EXOC7: variants seen among roughly 807,000 people sequenced by gnomAD.
EXOC7 encodes the protein exocyst complex component 7, also known as exocyst complex component Exo70.
Under a neutral mutation model 87.6 loss-of-function variants are expected in EXOC7, and 51 were observed. That is an observed-to-expected ratio of 0.58 (90% CI 0.46 to 0.73). The LOEUF (loss-of-function observed/expected upper bound fraction) is 0.73, where lower values mean the gene tolerates loss of function less well. Among genes scored for constraint, EXOC7 ranks in the 30% least tolerant of loss-of-function variants. EXOC7 has a pLI of 0.00. For missense variants in EXOC7, 744 were observed against 888.4 expected (o/e 0.84, Z 2.07); for synonymous variants, 327 against 357.1 (o/e 0.92, Z 0.95).
chr17:76,086,086 A>T lies in EXOC7; in HGVS notation c.1489T>A (p.Tyr497Asn), dbSNP rs1598298849. 6.2e-7 allele frequency: 1 copy of T among 1,613,718 alleles called. No homozygotes were observed. Among genetic ancestry groups the T allele is most frequent in the Non-Finnish European group, 8.5e-7 (1 of 1,180,008 alleles). Residue 497 changes from tyrosine (Y) to asparagine (N), a missense_variant, in exon 13 of 19, where the codon TAT (tyrosine) becomes AAT (asparagine). By Grantham distance (143) the Tyr-to-Asn change is moderately radical. This residue lies in a region of EXOC7 where 228 missense variants were observed against 298.6 expected (regional missense o/e 0.76). Transcript: ENST00000589210. ...SEFSKRLLST[Y>N]ICKVLGNLQL... ...TGCCCGGGAGAACACTCACAGATATAGGTGCTTAGCAGCCGCTTGCTGAAC... is the reference window on the plus strand; with the variant it reads ...TGCCCGGGAGAACACTCACAGATATTGGTGCTTAGCAGCCGCTTGCTGAAC...
At chr17:76,087,804 G>T (rs181379046) in intron 11 of EXOC7, 84 bp from the exon 12 acceptor site, 124 of 1,427,550 alleles carry the variant, frequency 8.7e-5, no homozygotes, top group Non-Finnish European at 4.6e-5. Context: ...AGTGCCCAGG[G>T]CCAGCCCAGG....
At chr17:76,087,611 G>A (rs1384413368) in intron 12 of EXOC7, 43 bp downstream of exon 12, 6 of 1,537,736 alleles carry the variant, frequency 3.9e-6, no homozygotes, top group Non-Finnish European at 5.3e-6. Context: ...CTCCAGGCAA[G>A]GAGGCGAGTG....
At position 76,081,183 on chromosome 17, in the gene EXOC7, A is replaced by G; in HGVS notation, c.*2465T>C. 1 of 1,537,408 alleles carries G rather than the reference A, an allele frequency of 6.5e-7. No individual in the cohort carries two copies. On this transcript the variant is annotated 3_prime_UTR_variant, in exon 19 of 19. Coordinates refer to ENST00000589210, the MANE Select transcript of EXOC7 (RefSeq NM_001013839.4). ...TCTGTCCCTGCCAAAAGCCATCAAA[A>G]GTCTCCATCACCCCTGGGCTCCAGT... is the stretch of plus-strand genomic sequence containing the variant.
intron 17 of EXOC7, 35 bp from the exon 18 acceptor site, chr17:76,084,174 A>G: frequency 6.3e-7 from 1 of 1,596,562 alleles, no homozygotes; most frequent in Non-Finnish European, 8.5e-7. Flanking sequence ...GAAGGCACCC[A>G]GAGACAAACA....
Position 76,082,243 on chromosome 17 carries a change from GT to G in EXOC7, c.*1404del. 1.3e-6 allele frequency: 1 copy of G among 799,542 alleles called. No individual in the cohort carries two copies. Among genetic ancestry groups the G allele is most frequent in the South Asian group, 1.9e-5 (1 of 52,354 alleles). 49.5% of individuals were successfully genotyped at this position (799,542 alleles called of 1,614,324 possible). On this transcript the variant is annotated 3_prime_UTR_variant, in exon 19 of 19. Coordinates refer to ENST00000589210, the MANE Select transcript of EXOC7 (RefSeq NM_001013839.4). ...AGGGAGCAAGCTGAGCCTCCCTGAA[GT>G]CCCAGGTGACCTCAATCCCCTGATA...
chr17:76,081,361 C>T lies in EXOC7; in HGVS notation c.*2287G>A. On this transcript the variant is annotated 3_prime_UTR_variant, in exon 19 of 19. Transcript: ENST00000589210. ...ATACGTAGTTTATGATCTGAAGACC[C>T]AAGTCCCACCCCAGCAGCTGGTGCC... The T allele has an allele frequency of 6.2e-7, 1 of 1,614,156 alleles. No homozygotes were observed. The highest frequency in any genetic ancestry group is 1.1e-5 in the South Asian group (1 of 91,086).
chr17:76,087,885 G>T, intron 11 of EXOC7, 165 bp from the exon 12 acceptor site: 1 of 934,096 alleles, frequency 1.1e-6, no homozygotes. Flanking sequence ...GAAAGGCCCT[G>T]TCTGCTAGAG....
chr17:76,099,984 C>G (rs771193530), intron 4 of EXOC7, among the ~76,000 whole-genome samples: 2 of 152,094 alleles, frequency 1.3e-5, no homozygotes, highest in Admixed American at 1.3e-4. Context: ...TGCCTGTGGG[C>G]CCAGCTACTT....
Position 76,082,957 on chromosome 17 carries a change from GAC to G in EXOC7, c.*689_*690del. On this transcript the variant is annotated 3_prime_UTR_variant, in exon 19 of 19. Transcript: ENST00000589210. ...GCCTAATTGCTCCTTCTGCAACCAC[GAC>G]TGCCTGGCCCTGGGCCAAGAGGCAC... The G allele has an allele frequency of 3.9e-6, 1 of 256,916 alleles. No homozygotes were observed. Among genetic ancestry groups the G allele is most frequent in the Non-Finnish European group, 7.4e-6 (1 of 135,480 alleles). 15.9% of individuals were successfully genotyped at this position (256,916 alleles called of 1,614,324 possible).
chr17:76,086,364 C>T (rs1447713701), intron 12 of EXOC7, among the ~76,000 whole-genome samples: 2 of 152,228 alleles, frequency 1.3e-5, no homozygotes, highest in Non-Finnish European at 2.9e-5. Context: ...TGGGATGGAG[C>T]TGGCCCATGT....
Position 76,086,147 on chromosome 17 carries a change from T to C in EXOC7, c.1430-2A>G. On this transcript the variant is annotated splice_acceptor_variant, in intron 12 of 18. Transcript: ENST00000589210. LOFTEE classifies it high-confidence loss of function. Reference sequence around the variant, plus strand: ...AGCTGGTGGCCGAAGAGCTGGTCTCTGTGAGAGGAGAAGTCCTGTTATTGC... The same window carrying C: ...AGCTGGTGGCCGAAGAGCTGGTCTCCGTGAGAGGAGAAGTCCTGTTATTGC... 6.2e-7 allele frequency: 1 copy of C among 1,613,434 alleles called. No individual in the cohort carries two copies. Among genetic ancestry groups the C allele is most frequent in the Non-Finnish European group, 8.5e-7 (1 of 1,179,916 alleles).
intron 7 of EXOC7, chr17:76,090,228 G>T: frequency 7.3e-7 from 1 of 1,362,236 alleles, no homozygotes; most frequent in Non-Finnish European, 1.0e-6. Flanking sequence ...CCCATCCTCA[G>T]AGCAGAGTGG....
intron 14 of EXOC7, 69 bp from the exon 15 acceptor site, chr17:76,085,478 T>C: frequency 1.3e-6 from 2 of 1,532,312 alleles, no homozygotes; most frequent in Non-Finnish European, 1.8e-6. Flanking sequence ...GCTGCGGCAA[T>C]GCCGGGAGGG....
chr17:76,084,024 T>C lies in EXOC7; in HGVS notation c.1934A>G (p.Tyr645Cys). 6.3e-7 allele frequency: 1 copy of C among 1,597,498 alleles called. No individual in the cohort carries two copies. Among genetic ancestry groups the C allele is most frequent in the Non-Finnish European group, 8.5e-7 (1 of 1,173,244 alleles). Residue 645 changes from tyrosine (Y) to cysteine (C), a missense_variant, in exon 18 of 19, where the codon TAC (tyrosine) becomes TGC (cysteine). Tyr to Cys is a radical substitution (Grantham distance 194, BLOSUM62 -2). Transcript: ENST00000589210. ...QAQKTIVKET[Y>C]GAFLQKFGSV... is the part of the protein sequence containing the mutation. Reference sequence around the variant, plus strand: ...GCCTCACTTCTGTAGAAAGGCCCCGTAGGTCTCCTTGACAATGGTCTTCTG... The same window carrying C: ...GCCTCACTTCTGTAGAAAGGCCCCGCAGGTCTCCTTGACAATGGTCTTCTG...
In EXOC7 at chr17:76,087,773, C is replaced by T. The variant is rs571476237; in HGVS notation, c.1363-53G>A. 774 of 1,535,678 alleles carry T rather than the reference C, an allele frequency of 5.0e-4. 3 individuals carry two copies. In the South Asian group the frequency reaches 7.9e-3, roughly 16 times the overall value. On this transcript the variant is annotated intron_variant, in intron 11 of 18. Transcript: ENST00000589210. ...GGCAAGTGGCAGGCCCGGCCGACGG[C>T]CTCCCACAGCGACCCCTCTGAGTGC...
Position 76,084,135 on chromosome 17 carries a change from A to G in EXOC7, c.1823T>C (p.Phe608Ser). The change falls in exon 18 of 19, where the codon TTC (phenylalanine) becomes TCC (serine). Residue 608 changes from phenylalanine (F) to serine (S), a missense_variant. Phe to Ser is a radical substitution (Grantham distance 155). Around this residue, in one of 3 missense-constraint regions of EXOC7, gnomAD observed 228 missense variants for 298.6 expected, o/e 0.76. Transcript: ENST00000589210. ...RQIIKERFKG[F>S]NDGLEELCKI... ...GCACAGTTCTTCGAGGCCATCATTG[A>G]AGCCCTGGCCACCAAAAAGGTGAAA... 1.9e-6 allele frequency: 3 copies of G among 1,598,462 alleles called. No individual in the cohort carries two copies. Among genetic ancestry groups the G allele is most frequent in the Non-Finnish European group, 2.6e-6 (3 of 1,173,176 alleles).
chr17:76,086,185 C>T (rs1360192776), intron 12 of EXOC7, 40 bp from the exon 13 acceptor site: 9 of 1,595,840 alleles, frequency 5.6e-6, no homozygotes, highest in Non-Finnish European at 7.7e-6. Flanking sequence ...TGGCAGCAGC[C>T]AAGACCCTCA....
At position 76,091,258 on chromosome 17, in the gene EXOC7, A is replaced by G. The variant is rs769034136; in HGVS notation, c.809-23T>C. 8.1e-6 allele frequency: 13 copies of G among 1,606,370 alleles called. No individual in the cohort carries two copies. In the South Asian group the frequency reaches 1.4e-4, roughly 18 times the overall value. ...TCCCTGTCACCAGAGCCACACAGAG[A>G]GGAGATAAGAAGACCTAGGAAATGA... On this transcript the variant is annotated intron_variant, in intron 6 of 18. Coordinates refer to ENST00000589210, the MANE Select transcript of EXOC7 (RefSeq NM_001013839.4).
chr17:76,086,834 T>G (rs571734150), intron 12 of EXOC7: 123 of 1,550,478 alleles, frequency 7.9e-5, no homozygotes, highest in Middle Eastern at 3.3e-4. Context: ...AGGAGGGGGC[T>G]GCAGAACCGC....
Sources: allele counts gnomAD v4.1 joint callset (sites outside exome capture counted in the v4.1 genomes callset), GRCh38; gene constraint gnomAD v4.1.1; regional missense constraint gnomAD v4.1.1; transcripts MANE v1.5; gene names NCBI Gene and HGNC (gene_info 2026-07-23, HGNC 2026-07-21).